Variants in CFAP45 observed in about 807,000 individuals in gnomAD.
The protein encoded by CFAP45 is cilia- and flagella-associated protein 45.
CFAP45 carries 43 observed loss-of-function variants against 75.6 expected under a neutral mutation model. The observed-to-expected ratio is 0.57, with a 90% CI of 0.45 to 0.73. The LOEUF (loss-of-function observed/expected upper bound fraction) is 0.73, where lower values mean the gene tolerates loss of function less well. CFAP45 is among the 30% of genes least tolerant of loss of function. CFAP45 has a pLI of 0.00. For synonymous variants in CFAP45, 223 were observed against 244.6 expected, an observed-to-expected ratio of 0.91 and a Z score of 0.82; for missense variants, 689 against 701.5, an observed-to-expected ratio of 0.98 and a Z score of 0.20.
intron 5 of CFAP45, 27 bp downstream of exon 5, chr1:159,887,814 G>A (rs890266733): frequency 6.3e-7 from 1 of 1,595,712 alleles, no homozygotes; most frequent in African/African-American, 1.3e-5. Context: ...TGAATGCTCA[G>A]AGGGAAGGGA....
At chr1:159,880,290 A>G (rs903094540) in intron 8 of CFAP45, among the ~76,000 whole-genome samples, 1 of 152,242 alleles carries the variant, frequency 6.6e-6, no homozygotes, top group African/African-American at 2.4e-5. Flanking sequence ...TTCTGCCTGC[A>G]TATGGCCCTC....
chr1:159,887,988 C>A lies in CFAP45; in HGVS notation c.441G>T (p.Lys147Asn). The A allele has an allele frequency of 1.2e-6, 2 of 1,614,206 alleles. No homozygotes were observed. Among genetic ancestry groups the A allele is most frequent in the Non-Finnish European group, 1.7e-6 (2 of 1,180,030 alleles). The change falls in exon 5 of 12, where the codon AAG becomes AAT. Residue 147 changes from lysine to asparagine, a missense_variant. By Grantham distance (94) the Lys-to-Asn change is moderately conservative (BLOSUM62 0). Transcript: ENST00000368099. ...ACACCATCTCCTTCTGTTTCATGAT[C>A]TTCTTTCGTGTCATCACTGCATCCT... ...ATMDAVMTRK[K>N]IMKQKEMVWN... is the part of the protein sequence containing the mutation.
intron 6 of CFAP45, among the ~76,000 whole-genome samples, chr1:159,885,609 C>T (rs1429999858): frequency 6.6e-6 from 1 of 152,200 alleles, no homozygotes; most frequent in Non-Finnish European, 1.5e-5. Flanking sequence ...TGAATTTATT[C>T]ATCCCAACAT....
intron 8 of CFAP45, among the ~76,000 whole-genome samples, chr1:159,879,713 C>T (rs1286965270): frequency 2.0e-5 from 3 of 152,114 alleles, no homozygotes; most frequent in African/African-American, 7.2e-5. Context: ...TATAGGTGTA[C>T]CAAATATGCC....
intron 1 of CFAP45, among the ~76,000 whole-genome samples, chr1:159,895,832 A>C (rs951865965): frequency 3.3e-5 from 5 of 152,234 alleles, no homozygotes; most frequent in African/African-American, 9.6e-5. Context: ...GAAAAGGTGG[A>C]TGGCTTTGGA....
At chr1:159,872,906 G>A (rs566563560) in intron 11 of CFAP45, 38 bp downstream of exon 11, 2 of 1,583,304 alleles carry the variant, frequency 1.3e-6, no homozygotes, top group South Asian at 1.1e-5. Flanking sequence ...CTTTGCGGGA[G>A]GGAAGAGGAT....
intron 8 of CFAP45, among the ~76,000 whole-genome samples, chr1:159,879,545 T>C (rs1245152358): frequency 6.6e-6 from 1 of 152,222 alleles, no homozygotes; most frequent in African/African-American, 2.4e-5. Context: ...CACTAAATGA[T>C]AGTTATGTGA....
chr1:159,895,492 C>T (rs147096423), intron 1 of CFAP45, among the ~76,000 whole-genome samples: 1 of 152,208 alleles, frequency 6.6e-6, no homozygotes, highest in African/African-American at 2.4e-5. Flanking sequence ...TTTTCACACT[C>T]GATTGGACAA....
At chr1:159,893,079 C>A (rs1649864703) in intron 2 of CFAP45, 101 bp downstream of exon 2, 4 of 1,360,894 alleles carry the variant, frequency 2.9e-6, no homozygotes, top group Non-Finnish European at 4.1e-6. Context: ...TGAGAGTTAC[C>A]TACGAGAGCA....
intron 8 of CFAP45, among the ~76,000 whole-genome samples, chr1:159,880,242 C>CA (rs572361625): frequency 3.6e-4 from 55 of 152,132 alleles, no homozygotes; most frequent in Admixed American, 9.8e-4. Context: ...GACAAATCCA[C>CA]AAAAAAACTC....
chr1:159,873,170 T>TG lies in CFAP45; in HGVS notation c.1353-3dup. ...TTCTCAATCTGTTCTCTCTGAGCCC[T>TG]GGGGGAGGGAAACAGGAATGGAATG... On this transcript the variant is annotated splice_polypyrimidine_tract_variant and splice_region_variant and intron_variant, in intron 10 of 11. Transcript: ENST00000368099. 6.2e-7 allele frequency: 1 copy of TG among 1,612,732 alleles called. No homozygotes were observed. Among genetic ancestry groups the TG allele is most frequent in the East Asian group, 2.2e-5 (1 of 44,842 alleles).
At chr1:159,886,789 G>T in intron 5 of CFAP45, 100 bp from the exon 6 acceptor site, 1 of 959,040 alleles carries the variant, frequency 1.0e-6, no homozygotes, top group Non-Finnish European at 1.7e-6. Flanking sequence ...CATGCTGGAG[G>T]TGTGCATGAC....
chr1:159,888,059 G>C (rs767207218), intron 4 of CFAP45, 48 bp from the exon 5 acceptor site: 5 of 1,587,778 alleles, frequency 3.1e-6, no homozygotes, highest in African/African-American at 1.3e-5. Flanking sequence ...CATGCGCTCT[G>C]TGCCCTGGGC....
intron 2 of CFAP45, among the ~76,000 whole-genome samples, chr1:159,891,667 C>T (rs1024464149): frequency 5.9e-5 from 9 of 152,282 alleles, no homozygotes; most frequent in South Asian, 4.1e-4. Context: ...GGGGGATGGC[C>T]CCACTTGTCC....
chr1:159,893,823 C>A (rs182690839), intron 1 of CFAP45, among the ~76,000 whole-genome samples: 119 of 151,342 alleles, frequency 7.9e-4, no homozygotes, highest in African/African-American at 2.7e-3. Context: ...TATTTGATAG[C>A]GCAATAGAAT....
At chr1:159,889,108 C>T (rs1557915049) in intron 3 of CFAP45, among the ~76,000 whole-genome samples, 1 of 152,162 alleles carries the variant, frequency 6.6e-6, no homozygotes, top group Non-Finnish European at 1.5e-5. Context: ...CCCATCCAGC[C>T]TAGAGAGAAG....
In CFAP45 at chr1:159,872,697, G is replaced by A. The variant is rs946373552; in HGVS notation, c.1578-134C>T. 6.7e-5 allele frequency: 56 copies of A among 833,896 alleles called. No individual in the cohort carries two copies. In the East Asian group the frequency reaches 8.7e-4, roughly 13 times the overall value. The allele number at this position is 833,896 out of a possible 1,614,324, so 51.7% of individuals were successfully genotyped here. ...AACCCTGCTCTCACAATCCACCCCC[G>A]AAACACACATTCATGCCAAGGCTCC... On this transcript the variant is annotated intron_variant, in intron 11 of 11. Transcript: ENST00000368099.
intron 3 of CFAP45, among the ~76,000 whole-genome samples, chr1:159,889,067 T>C (rs1351358555): frequency 6.6e-6 from 1 of 152,148 alleles, no homozygotes; most frequent in South Asian, 2.1e-4. Context: ...AAGGTTGATA[T>C]AGATGCTAGT....
intron 8 of CFAP45, among the ~76,000 whole-genome samples, chr1:159,878,852 G>A (rs763881220): frequency 2.0e-5 from 3 of 148,332 alleles, no homozygotes; most frequent in Non-Finnish European, 3.0e-5. Context: ...TAAGTTGTAC[G>A]GGGCTGTTGT....
Sources: gnomAD v4.1 joint callset for allele counts (sites outside exome capture counted in the v4.1 genomes callset) on GRCh38, gnomAD v4.1.1 for gene constraint, MANE v1.5 for transcripts, NCBI Gene and HGNC (gene_info 2026-07-23, HGNC 2026-07-21) for gene names.